CEP350: variants seen among roughly 807,000 people sequenced by gnomAD.
CEP350 encodes the protein centrosomal protein 350.
In CEP350, 126 loss-of-function variants were observed where a neutral mutation model predicts 331.8. That is an observed-to-expected ratio of 0.38 (90% CI 0.33 to 0.44). The LOEUF (loss-of-function observed/expected upper bound fraction) is 0.44. Ranked by LOEUF, CEP350 falls within the 20% of genes least tolerant of loss-of-function variation. The pLI is 1.00. For missense variants in CEP350, 3,406 were observed against 3,634.6 expected, an observed-to-expected ratio of 0.94 and a Z score of 1.62; for synonymous variants, 1,200 against 1,259.5, an observed-to-expected ratio of 0.95 and a Z score of 1.00.
intron 6 of CEP350, among the ~76,000 whole-genome samples, chr1:179,998,671 T>G (rs1260460564): frequency 6.6e-6 from 1 of 152,058 alleles, no homozygotes; most frequent in Non-Finnish European, 1.5e-5. Context: ...TCAGTTTTGT[T>G]TTGTATTTCT....
rs199802353 is a variant in CEP350 at position 180,090,723 on chromosome 1, G to A, written c.6435G>A (p.Thr2145=). Residue 2145 remains threonine, a synonymous_variant, in exon 33 of 38, where the codon ACG becomes ACA. Transcript: ENST00000367607. The stretch of plus-strand genomic sequence containing the variant: ...AATTTTTACACGTCAGATCTGAAAC[G>A]GCAAAGAATTGGAAATCACTAACAG... ...KPLTPLHRSE[T]AKNWKSLTES... 43 of 1,549,692 alleles carry A rather than the reference G, an allele frequency of 2.8e-5. No individual in the cohort carries two copies. The East Asian group carries it at 7.0e-4, about 25-fold the overall frequency.
chr1:180,045,849 A>G (rs932965458), intron 21 of CEP350, among the ~76,000 whole-genome samples: 2 of 152,190 alleles, frequency 1.3e-5, no homozygotes, highest in Non-Finnish European at 2.9e-5. Context: ...AACTTTCTTT[A>G]TAATTGAGCC....
intron 6 of CEP350, among the ~76,000 whole-genome samples, chr1:180,001,617 A>G (rs1653874613): frequency 1.3e-5 from 2 of 152,184 alleles, no homozygotes; most frequent in African/African-American, 4.8e-5. Context: ...GAAATCCCAT[A>G]TGTGTAAGGT....
intron 28 of CEP350, 137 bp downstream of exon 28, chr1:180,075,358 C>T: frequency 1.2e-6 from 1 of 864,328 alleles, no homozygotes; most frequent in Non-Finnish European, 1.7e-6. Flanking sequence ...AGGCCAAGGC[C>T]AGAGGATCGC....
chr1:180,010,182 T>G (rs556568211), intron 8 of CEP350, among the ~76,000 whole-genome samples: 25 of 152,244 alleles, frequency 1.6e-4, no homozygotes, highest in African/African-American at 6.0e-4. Flanking sequence ...TTATGAAAAT[T>G]GTCATTTGTA....
intron 29 of CEP350, among the ~76,000 whole-genome samples, chr1:180,079,295 T>G (rs768242036): frequency 1.3e-4 from 19 of 151,794 alleles, no homozygotes; most frequent in Non-Finnish European, 1.3e-4. Flanking sequence ...TATACTAAAG[T>G]ATACACAGAT....
intron 8 of CEP350, among the ~76,000 whole-genome samples, chr1:180,011,117 A>G (rs1654625683): frequency 6.6e-6 from 1 of 151,698 alleles, no homozygotes; most frequent in East Asian, 1.9e-4. Flanking sequence ...TTATTGAAAC[A>G]TTTTTTTGAA....
Position 180,044,151 on chromosome 1 carries a change from G to T in CEP350, c.4600G>T (p.Gly1534Ter). 6.4e-7 allele frequency: 1 copy of T among 1,567,040 alleles called. No homozygotes were observed. The change falls in exon 21 of 38, where the codon GGA becomes TGA. Residue 1534 changes from glycine (G) to a stop codon, truncating the protein, a stop_gained. Transcript: ENST00000367607. LOFTEE classifies it high-confidence loss of function. ...ASYDSYSESS[G>*]YKNHDRRSSS... is the part of the protein sequence containing the mutation. ...ATATGATAGTTATTCTGAGTCTTCA[G>T]GATACAAGAATCATGATAGAAGGTG... is the stretch of plus-strand genomic sequence containing the variant.
intron 25 of CEP350, among the ~76,000 whole-genome samples, chr1:180,056,043 G>C (rs1479432484): frequency 6.6e-6 from 1 of 151,882 alleles, no homozygotes; most frequent in Admixed American, 6.6e-5. Context: ...TCACTTTCTT[G>C]ATAGTATCCT....
chr1:180,037,421 T>A (rs1238129336), intron 17 of CEP350, among the ~76,000 whole-genome samples: 1 of 151,816 alleles, frequency 6.6e-6, no homozygotes, highest in Non-Finnish European at 1.5e-5. Flanking sequence ...GTTTTTTTTT[T>A]TTTTTTTAAG....
At chr1:179,976,092 A>C (rs981383720) in intron 1 of CEP350, among the ~76,000 whole-genome samples, 1 of 152,180 alleles carries the variant, frequency 6.6e-6, no homozygotes, top group Non-Finnish European at 1.5e-5. Flanking sequence ...AATATTCATA[A>C]CTTAGTGTTG....
At chr1:180,038,399 G>A (rs1462865602) in intron 17 of CEP350, among the ~76,000 whole-genome samples, 16 of 151,896 alleles carry the variant, frequency 1.1e-4, no homozygotes. Flanking sequence ...CATTTTTCTT[G>A]TATAAGTACC....
chr1:180,107,827 C>CAAAAA (rs1394625466), intron 37 of CEP350, among the ~76,000 whole-genome samples: 1 of 111,302 alleles, frequency 9.0e-6, no homozygotes, highest in Admixed American at 1.1e-4. Context: ...CCTCTGCTCC[C>CAAAAA]AAAAAAACAA....
chr1:180,078,690 T>C lies in CEP350; in HGVS notation c.5979+16T>C. ...TAGTAAACATGTAAGTTAATGTATA[T>C]TTATATCTTAAAGATTCTCTAGAAA... On this transcript the variant is annotated intron_variant, in intron 29 of 37. Transcript: ENST00000367607. 7.0e-6 allele frequency: 11 copies of C among 1,564,034 alleles called. No individual in the cohort carries two copies. The highest frequency in any genetic ancestry group is 9.5e-6 in the Non-Finnish European group (11 of 1,154,656).
At position 180,021,009 on chromosome 1, in the gene CEP350, G is replaced by A; in HGVS notation, c.3235G>A (p.Gly1079Arg). The change falls in exon 12 of 38, where the codon GGG (glycine) becomes AGG (arginine). Residue 1079 changes from glycine to arginine, a missense_variant and splice_region_variant. Gly to Arg is a moderately radical substitution (Grantham distance 125). Transcript: ENST00000367607. ...FTKSYQLYGK[G>R]FEDKLDRGTS... ...AAAATCCTATCAGTTATATGGAAAA[G>A]GTGAGAAAAATAAATATAGCTTGTA... 6.6e-7 allele frequency: 1 copy of A among 1,506,412 alleles called. No homozygotes were observed. The highest frequency in any genetic ancestry group is 1.4e-5 in the South Asian group (1 of 73,570). 93.3% of individuals were successfully genotyped at this position (1,506,412 alleles called of 1,614,324 possible).
intron 21 of CEP350, among the ~76,000 whole-genome samples, chr1:180,047,384 AT>A (rs1249790800): frequency 6.6e-6 from 1 of 152,160 alleles, no homozygotes; most frequent in Non-Finnish European, 1.5e-5. Flanking sequence ...GGCAAAGATA[AT>A]GATACAAATT....
At chr1:180,025,059 G>T (rs1309089309) in intron 14 of CEP350, among the ~76,000 whole-genome samples, 2 of 151,778 alleles carry the variant, frequency 1.3e-5, no homozygotes, top group Non-Finnish European at 2.9e-5. Flanking sequence ...CGAGTAGCTG[G>T]GACTACAGGC....
intron 1 of CEP350, among the ~76,000 whole-genome samples, chr1:179,961,475 C>T (rs754821527): frequency 6.6e-6 from 1 of 151,762 alleles, no homozygotes; most frequent in African/African-American, 2.4e-5. Context: ...ATAAAGCGCT[C>T]ACTACCTTCA....
In CEP350 at chr1:180,006,565, C is replaced by A; in HGVS notation, c.1244C>A (p.Thr415Lys). 1 of 1,458,610 alleles carries A rather than the reference C, an allele frequency of 6.9e-7. No homozygotes were observed. The highest frequency in any genetic ancestry group is 9.4e-7 in the Non-Finnish European group (1 of 1,062,032). 90.4% of individuals were successfully genotyped at this position (1,458,610 alleles called of 1,614,324 possible). ...CAGTTATCAAGTACAGAATGCAGAA[C>A]AGGTTAGTTTTCTCAACATGTCCAT... ...VAQLSSTECR[T>K]GSSHLISTSS... The change falls in exon 8 of 38, where the codon ACA becomes AAA. Residue 415 changes from threonine (T) to lysine (K), a missense_variant and splice_region_variant. Physicochemically the swap from Thr to Lys is moderately conservative, Grantham distance 78. Around this residue, in one of 5 missense-constraint regions of CEP350, gnomAD observed 1,857 missense variants for 1,909.2 expected, o/e 0.97. Coordinates refer to ENST00000367607, the MANE Select transcript of CEP350 (RefSeq NM_014810.5).
Sources: allele counts gnomAD v4.1 joint callset (sites outside exome capture counted in the v4.1 genomes callset), GRCh38; gene constraint gnomAD v4.1.1; regional missense constraint gnomAD v4.1.1; transcripts MANE v1.5; gene names NCBI Gene and HGNC (gene_info 2026-07-23, HGNC 2026-07-21).